The following NLGN1 variants were observed in gnomAD, a reference collection of about 807,000 sequenced individuals.
NLGN1 encodes neuroligin-1.
In NLGN1, 12 loss-of-function variants were observed where a neutral mutation model predicts 65.5. The observed-to-expected ratio is 0.18, with a 90% confidence interval of 0.12 to 0.30. The LOEUF (loss-of-function observed/expected upper bound fraction) is 0.30. Ranked by LOEUF, NLGN1 falls within the 10% of genes least tolerant of loss-of-function variation. The pLI is 1.00. For synonymous variants in NLGN1, 350 were observed against 359.5 expected (o/e 0.97, Z 0.30); for missense variants, 750 against 1,007.1 (o/e 0.74, Z 3.46).
At chr3:174,213,391 TATTA>T (rs1467344709) in intron 4 of NLGN1, among the ~76,000 whole-genome samples, 1 of 152,180 alleles carries the variant, frequency 6.6e-6, no homozygotes, top group African/African-American at 2.4e-5. Flanking sequence ...TCATTCAACT[TATTA>T]ATTATTAAAG....
Position 173,998,198 on chromosome 3 carries a change from A to G in NLGN1, c.646+190366A>G, listed in dbSNP as rs115091091. ...ACAGGCAGCCTTTCCATCCTAGACAACCTGCTTTCAAAGCAGTCATTCTGT... is the reference window on the plus strand; with the variant it reads ...ACAGGCAGCCTTTCCATCCTAGACAGCCTGCTTTCAAAGCAGTCATTCTGT... On this transcript the variant is annotated intron_variant, in intron 4 of 6. Transcript: ENST00000457714. 4.5e-3 allele frequency among the ~76,000 whole-genome samples: 679 copies of G among 152,210 alleles called. 5 individuals carry two copies. The highest frequency in any genetic ancestry group is 0.015 in the African/African-American group (633 of 41,530).
intron 2 of NLGN1, among the ~76,000 whole-genome samples, chr3:173,569,182 A>C (rs560431026): frequency 6.6e-6 from 1 of 152,304 alleles, no homozygotes; most frequent in Admixed American, 6.5e-5. Context: ...GTTTTATTAG[A>C]CATAATTTTA....
chr3:174,198,744 C>T (rs895990464), intron 4 of NLGN1, among the ~76,000 whole-genome samples: 6 of 151,242 alleles, frequency 4.0e-5, no homozygotes, highest in South Asian at 4.2e-4. Flanking sequence ...TTCACTGAAC[C>T]GTATTTATCT....
chr3:173,642,436 T>C (rs1182615818), intron 3 of NLGN1, among the ~76,000 whole-genome samples: 1 of 152,100 alleles, frequency 6.6e-6, no homozygotes, highest in Non-Finnish European at 1.5e-5. Context: ...TTAAGCACCA[T>C]GATTAAAACA....
intron 2 of NLGN1, among the ~76,000 whole-genome samples, chr3:173,463,276 A>G (rs182847808): frequency 9.8e-5 from 15 of 152,312 alleles, no homozygotes; most frequent in Admixed American, 2.6e-4. Flanking sequence ...ACATGAGTAG[A>G]ACATTATTCA....
chr3:173,892,943 T>A (rs1256947768), intron 4 of NLGN1, among the ~76,000 whole-genome samples: 3 of 152,204 alleles, frequency 2.0e-5, no homozygotes, highest in Non-Finnish European at 4.4e-5. Flanking sequence ...TCCCCTTTTC[T>A]AATATCTAAA....
At chr3:173,744,682 G>GT (rs1485623811) in intron 3 of NLGN1, among the ~76,000 whole-genome samples, 1 of 152,066 alleles carries the variant, frequency 6.6e-6, no homozygotes, top group Non-Finnish European at 1.5e-5. Flanking sequence ...GTTCAGAGAA[G>GT]TAAAACCTGC....
intron 4 of NLGN1, among the ~76,000 whole-genome samples, chr3:173,977,107 G>A (rs200059319): frequency 1.4e-4 from 17 of 120,370 alleles, no homozygotes; most frequent in East Asian, 7.7e-4. Flanking sequence ...ACACACACAC[G>A]CACACACACA....
At chr3:173,753,711 G>A (rs1776641371) in intron 3 of NLGN1, among the ~76,000 whole-genome samples, 1 of 151,822 alleles carries the variant, frequency 6.6e-6, no homozygotes. Flanking sequence ...GTCACTCTGT[G>A]TTCATCCAGA....
chr3:173,872,935 T>C (rs1731433147), intron 4 of NLGN1, among the ~76,000 whole-genome samples: 1 of 151,840 alleles, frequency 6.6e-6, no homozygotes, highest in Non-Finnish European at 1.5e-5. Context: ...GACAAGCAGA[T>C]GAAAAAGGAT....
At chr3:173,537,873 T>A (rs1737717854) in intron 2 of NLGN1, among the ~76,000 whole-genome samples, 1 of 152,170 alleles carries the variant, frequency 6.6e-6, no homozygotes, top group Admixed American at 6.6e-5. Context: ...GCACTCCAGT[T>A]TTCCTTTGGT....
downstream of NLGN1, among the ~76,000 whole-genome samples, chr3:174,287,533 T>C (rs1173459997): frequency 6.6e-6 from 1 of 151,544 alleles, no homozygotes; most frequent in African/African-American, 2.4e-5. Context: ...TGTATTTCCT[T>C]ATGGTTTGTA....
At chr3:174,278,780 A>ATGTC in intron 5 of NLGN1, 81 bp from the exon 6 acceptor site, 1 of 1,132,450 alleles carries the variant, frequency 8.8e-7, no homozygotes, top group East Asian at 2.6e-5. Context: ...TTTTATATAC[A>ATGTC]TGTCTAAAAT....
At chr3:174,100,788 GC>G (rs1712257924) in intron 4 of NLGN1, among the ~76,000 whole-genome samples, 1 of 151,812 alleles carries the variant, frequency 6.6e-6, no homozygotes, top group South Asian at 2.1e-4. Flanking sequence ...TAAGAAAGGT[GC>G]CCCTTCTAAG....
rs1458783307 is a variant in NLGN1, at chr3:173,605,722, G to C, written c.493+631G>C. 4 of 424,712 alleles carry C rather than the reference G, an allele frequency of 9.4e-6. No homozygotes were observed. The East Asian group carries it at 2.9e-4, about 30-fold the overall frequency. The allele number at this position is 424,712 out of a possible 1,614,324, so 26.3% of individuals were successfully genotyped here. ...AGGTGATGTTTGGAATCTGATGAAG[G>C]CTGTCAAGGAATATAAAGGTGTTTA... On this transcript the variant is annotated intron_variant, in intron 3 of 6. Transcript: ENST00000457714.
At chr3:173,746,175 A>G (rs1403641552) in intron 3 of NLGN1, among the ~76,000 whole-genome samples, 3 of 152,010 alleles carry the variant, frequency 2.0e-5, no homozygotes, top group African/African-American at 7.2e-5. Flanking sequence ...CACCTGTAAT[A>G]CCAGTTATTT....
chr3:173,767,273 T>C (rs1238054692), intron 3 of NLGN1, among the ~76,000 whole-genome samples: 1 of 152,112 alleles, frequency 6.6e-6, no homozygotes, highest in East Asian at 1.9e-4. Flanking sequence ...GACCAAATTA[T>C]ATTCATTTCT....
At chr3:173,898,375 T>A (rs1736702636) in intron 4 of NLGN1, among the ~76,000 whole-genome samples, 1 of 152,204 alleles carries the variant, frequency 6.6e-6, no homozygotes, top group Non-Finnish European at 1.5e-5. Context: ...CCAGCTCATT[T>A]TGGCTTTAAA....
At chr3:173,478,639 G>T (rs1726693813) in intron 2 of NLGN1, among the ~76,000 whole-genome samples, 1 of 152,062 alleles carries the variant, frequency 6.6e-6, no homozygotes, top group Non-Finnish European at 1.5e-5. Flanking sequence ...GTGAAAATTG[G>T]GCTGGGCACA....
Sources: allele counts gnomAD v4.1 joint callset (sites outside exome capture counted in the v4.1 genomes callset), GRCh38; gene constraint gnomAD v4.1.1; transcripts MANE v1.5; gene names NCBI Gene and HGNC (gene_info 2026-07-23, HGNC 2026-07-21).